The following NFKB1 variants were observed in gnomAD, a reference collection of about 807,000 sequenced individuals.
NFKB1 encodes the protein nuclear factor kappa B subunit 1.
Under a neutral mutation model 105.1 loss-of-function variants are expected in NFKB1, and 9 were observed. That is an observed-to-expected ratio of 0.09 (90% CI 0.05 to 0.15). The LOEUF is 0.15. Ranked by LOEUF, NFKB1 falls within the 10% of genes least tolerant of loss-of-function variation. The pLI is 1.00. For missense variants in NFKB1, 830 were observed against 1,203.7 expected, an observed-to-expected ratio of 0.69 and a Z score of 4.59; for synonymous variants, 440 against 442.2, an observed-to-expected ratio of 1.00 and a Z score of 0.06.
At position 102,562,864 on chromosome 4, in the gene NFKB1, CCCT is replaced by C. The variant is rs150210510; in HGVS notation, c.259-4118_259-4116del. Among the ~76,000 whole-genome samples the C allele has an allele frequency of 8.7e-3, 1,329 of 152,164 alleles. 12 individuals are homozygous for C. The highest frequency in any genetic ancestry group is 0.03 in the African/African-American group (1,225 of 41,504). ...TTCCGTTTGAAAATTGTGTATTTTC[CCCT>C]CCTCTTCTTCATTACCATTGTCATC... On this transcript the variant is annotated intron_variant, in intron 5 of 23. Transcript: ENST00000226574.
intron 13 of NFKB1, among the ~76,000 whole-genome samples, chr4:102,595,403 T>C (rs907429916): frequency 2.6e-5 from 4 of 152,232 alleles, no homozygotes; most frequent in Non-Finnish European, 5.9e-5. Flanking sequence ...CACATGTTGA[T>C]AGTTTATATT....
intron 1 of NFKB1, among the ~76,000 whole-genome samples, chr4:102,503,765 G>A (rs928793666): frequency 1.3e-5 from 2 of 152,152 alleles, no homozygotes; most frequent in African/African-American, 2.4e-5. Context: ...GAAATAGGCA[G>A]AATTTTAGAT....
chr4:102,524,767 C>T (rs1477107944), intron 1 of NFKB1, among the ~76,000 whole-genome samples: 2 of 152,032 alleles, frequency 1.3e-5, no homozygotes, highest in South Asian at 2.1e-4. Context: ...TCATAAGGAG[C>T]GGGCAATCTA....
chr4:102,588,418 A>G (rs1327031923), intron 11 of NFKB1, among the ~76,000 whole-genome samples: 1 of 152,062 alleles, frequency 6.6e-6, no homozygotes, highest in Non-Finnish European at 1.5e-5. Context: ...GAGGAGGAAG[A>G]TAGTTGAGGA....
rs931466435 is a variant in NFKB1 at position 102,596,732 on chromosome 4, T to C, written c.1495+400T>C. Among the ~76,000 whole-genome samples the C allele has an allele frequency of 7.2e-5, 11 of 152,228 alleles. No homozygotes were observed. In the East Asian group the frequency reaches 2.1e-3, roughly 29 times the overall value. On this transcript the variant is annotated intron_variant, in intron 14 of 23. Coordinates refer to ENST00000226574, the MANE Select transcript of NFKB1 (RefSeq NM_003998.4). ...TTGCCTTAAAATAGGAACTTTTCTTTTTATCTTGTGCCCTCTTTGAAGAAG... is the reference window on the plus strand; with the variant it reads ...TTGCCTTAAAATAGGAACTTTTCTTCTTATCTTGTGCCCTCTTTGAAGAAG...
Position 102,617,098 on chromosome 4 carries a change from CAAAAAAAA to C in NFKB1, c.*517_*524del, listed in dbSNP as rs5860728. The C allele has an allele frequency of 3.6e-5, 4 of 110,904 alleles. No individual in the cohort carries two copies. The highest frequency in any genetic ancestry group is 5.3e-4 in the East Asian group (2 of 3,750). 6.9% of individuals were successfully genotyped at this position (110,904 alleles called of 1,614,324 possible). ...CTAATGTGGTTATTTCTCTGATTTG[CAAAAAAAA>C]AAAAAAAAAAAATACTTGTCAATAT... is the stretch of plus-strand genomic sequence containing the variant. On this transcript the variant is annotated 3_prime_UTR_variant, in exon 24 of 24. Transcript: ENST00000226574.
At chr4:102,607,465 C>A in intron 18 of NFKB1, 146 bp downstream of exon 18, 1 of 1,117,106 alleles carries the variant, frequency 9.0e-7, no homozygotes, top group Non-Finnish European at 1.3e-6. Flanking sequence ...AGAGTACCAC[C>A]TTTAGACATT....
At chr4:102,563,995 T>C (rs1166926138) in intron 5 of NFKB1, among the ~76,000 whole-genome samples, 2 of 151,728 alleles carry the variant, frequency 1.3e-5, no homozygotes, top group Non-Finnish European at 2.9e-5. Context: ...ATATTTTGTA[T>C]TTTTAGTAAA....
At chr4:102,568,761 C>T (rs975338967) in intron 6 of NFKB1, among the ~76,000 whole-genome samples, 10 of 152,140 alleles carry the variant, frequency 6.6e-5, no homozygotes, top group South Asian at 4.1e-4. Flanking sequence ...GACCTTAAAG[C>T]GGGAATAGAA....
At chr4:102,579,285 C>T (rs1313099480) in intron 8 of NFKB1, among the ~76,000 whole-genome samples, 1 of 152,106 alleles carries the variant, frequency 6.6e-6, no homozygotes, top group Non-Finnish European at 1.5e-5. Context: ...TAGTCTTTTA[C>T]ATGAAATGTC....
chr4:102,611,319 C>T (rs962887626), intron 20 of NFKB1, among the ~76,000 whole-genome samples: 3 of 145,394 alleles, frequency 2.1e-5, no homozygotes, highest in African/African-American at 7.8e-5. Flanking sequence ...CATGTGCCTC[C>T]CACAGCCTGT....
chr4:102,606,406 C>A, intron 16 of NFKB1, 90 bp from the exon 17 acceptor site: 1 of 1,210,762 alleles, frequency 8.3e-7, no homozygotes, highest in Non-Finnish European at 1.2e-6. Context: ...GCAGTATGGC[C>A]CCACCTATTG....
chr4:102,551,367 T>TC (rs1553931290), intron 5 of NFKB1, among the ~76,000 whole-genome samples: 2 of 150,094 alleles, frequency 1.3e-5, no homozygotes, highest in Non-Finnish European at 3.0e-5. Context: ...TGTGTGTGTG[T>TC]GCGCGCGCGC....
rs1726485758 is a variant in NFKB1 at position 102,594,966 on chromosome 4, G to A, written c.1285G>A (p.Ala429Thr). ...CCATCCTGGAACTACTAAATCTAATGCTGGGATGAAGCATGGTAAGTAATG... is the reference window on the plus strand; with the variant it reads ...CCATCCTGGAACTACTAAATCTAATACTGGGATGAAGCATGGTAAGTAATG... Reference protein sequence around the residue: ...TFHPGTTKSNAGMKHGTMDTE... With the variant: ...TFHPGTTKSNTGMKHGTMDTE... The change falls in exon 13 of 24, where the codon GCT (alanine) becomes ACT (threonine). Residue 429 changes from alanine (A) to threonine (T), a missense_variant. By Grantham distance (58) the Ala-to-Thr change is moderately conservative (BLOSUM62 0). This residue lies in a region of NFKB1 where 163 missense variants were observed against 164.3 expected (regional missense o/e 0.99). Coordinates refer to ENST00000226574, the MANE Select transcript of NFKB1 (RefSeq NM_003998.4). 4 of 1,607,478 alleles carry A rather than the reference G, an allele frequency of 2.5e-6. No homozygotes were observed. The highest frequency in any genetic ancestry group is 1.1e-5 in the South Asian group (1 of 90,472).
chr4:102,585,703 A>G (rs1725654974), intron 11 of NFKB1, among the ~76,000 whole-genome samples: 1 of 152,214 alleles, frequency 6.6e-6, no homozygotes, highest in Non-Finnish European at 1.5e-5. Flanking sequence ...GAGAATGTTG[A>G]AGAGAGAGCC....
chr4:102,531,380 T>C lies in NFKB1; in HGVS notation c.118+1466T>C, dbSNP rs974313891. 5.9e-5 allele frequency among the ~76,000 whole-genome samples: 9 copies of C among 152,314 alleles called. No homozygotes were observed. The East Asian group carries it at 1.5e-3, about 26-fold the overall frequency. Reference sequence around the variant, plus strand: ...TTACCTGTATGTTTTTCCCTCTTCATTGCAGTGTCATAGTACAATTTTTAT... The same window carrying C: ...TTACCTGTATGTTTTTCCCTCTTCACTGCAGTGTCATAGTACAATTTTTAT... On this transcript the variant is annotated intron_variant, in intron 3 of 23. Coordinates refer to ENST00000226574, the MANE Select transcript of NFKB1 (RefSeq NM_003998.4).
chr4:102,556,199 GA>G (rs1291687755), intron 5 of NFKB1, among the ~76,000 whole-genome samples: 1 of 152,146 alleles, frequency 6.6e-6, no homozygotes, highest in East Asian at 1.9e-4. Context: ...GCTTTGAGAA[GA>G]AAGGTGATTA....
chr4:102,519,591 G>T (rs972725935), intron 1 of NFKB1, among the ~76,000 whole-genome samples: 5 of 151,844 alleles, frequency 3.3e-5, no homozygotes, highest in Non-Finnish European at 5.9e-5. Flanking sequence ...TTTGTGTATT[G>T]TCAGAATCCT....
At chr4:102,553,271 G>A (rs1051999726) in intron 5 of NFKB1, among the ~76,000 whole-genome samples, 25 of 152,246 alleles carry the variant, frequency 1.6e-4, no homozygotes, top group African/African-American at 6.0e-4. Context: ...GTGGGTTTCA[G>A]TGAAAGTGAT....
Sources: gnomAD v4.1 joint callset for allele counts (sites outside exome capture counted in the v4.1 genomes callset) on GRCh38, gnomAD v4.1.1 for gene constraint, gnomAD v4.1.1 regional missense constraint, MANE v1.5 for transcripts, NCBI Gene and HGNC (gene_info 2026-07-23, HGNC 2026-07-21) for gene names.